Variants in ELMO1 observed in about 807,000 individuals in gnomAD.
ELMO1 encodes the protein engulfment and cell motility 1.
ELMO1 carries 26 observed loss-of-function variants against 98.9 expected under a neutral mutation model. That is an observed-to-expected ratio of 0.26 (90% CI 0.19 to 0.36). The LOEUF is 0.36. Ranked by LOEUF, ELMO1 falls within the 10% of genes least tolerant of loss-of-function variation. The pLI, the probability that ELMO1 is intolerant of heterozygous loss-of-function variation, is 1.00. For missense variants in ELMO1, 627 were observed against 935.2 expected (o/e 0.67, Z 4.30); for synonymous variants, 346 against 346.0 (o/e 1.00, Z 0.00).
chr7:37,311,454 T>C (rs2131079378), intron 4 of ELMO1, among the ~76,000 whole-genome samples: 1 of 152,296 alleles, frequency 6.6e-6, no homozygotes, highest in Admixed American at 6.5e-5. Context: ...AATGAGTCAC[T>C]GGTTACCATG....
At chr7:37,301,304 G>A (rs907898294) in intron 4 of ELMO1, among the ~76,000 whole-genome samples, 3 of 127,052 alleles carry the variant, frequency 2.4e-5, no homozygotes, top group African/African-American at 9.0e-5. Context: ...TTAGGGAGCA[G>A]AGAAAAAATG....
chr7:36,965,087 G>T (rs1789297590), intron 16 of ELMO1, among the ~76,000 whole-genome samples: 1 of 152,044 alleles, frequency 6.6e-6, no homozygotes, highest in African/African-American at 2.4e-5. Flanking sequence ...TTTTTCCCAA[G>T]CACTTGATGT....
chr7:37,062,422 C>G (rs560372028), intron 15 of ELMO1, among the ~76,000 whole-genome samples: 1 of 152,164 alleles, frequency 6.6e-6, no homozygotes, highest in Non-Finnish European at 1.5e-5. Context: ...GAAAGCCTGT[C>G]AAAACCAGCA....
intron 16 of ELMO1, among the ~76,000 whole-genome samples, chr7:36,936,894 G>A (rs922324385): frequency 1.3e-5 from 2 of 152,188 alleles, no homozygotes; most frequent in African/African-American, 4.8e-5. Flanking sequence ...TAAGTATAGA[G>A]TAAGCACTGA....
Position 37,150,873 on chromosome 7 carries a change from G to T in ELMO1, c.1087-17639C>A, listed in dbSNP as rs180889022. On this transcript the variant is annotated intron_variant, in intron 13 of 21. Transcript: ENST00000310758. ...ATATTTGACTAGGGGTATGCCCACT[G>T]TTCTCTAACAAGGAAATAAATTCAT... Among the ~76,000 whole-genome samples, 3 of 152,296 alleles carry T rather than the reference G, an allele frequency of 2.0e-5. No individual in the cohort carries two copies. The East Asian group carries it at 5.8e-4, about 29-fold the overall frequency.
intron 15 of ELMO1, among the ~76,000 whole-genome samples, chr7:37,078,017 T>TA (rs1172214338): frequency 1.3e-5 from 2 of 152,036 alleles, no homozygotes; most frequent in African/African-American, 4.8e-5. Context: ...ATATAAAGAG[T>TA]ACAGAGAAGC....
chr7:37,430,209 C>G (rs1804874135), intron 1 of ELMO1, among the ~76,000 whole-genome samples: 1 of 152,190 alleles, frequency 6.6e-6, no homozygotes. Flanking sequence ...TTCCATGAAG[C>G]ACATTTTTGG....
chr7:37,204,427 G>A (rs1026456408), intron 13 of ELMO1: 2 of 347,274 alleles, frequency 5.8e-6, no homozygotes, highest in African/African-American at 2.2e-5. Flanking sequence ...TCCTCCTGGT[G>A]GGTTCCTGGT....
chr7:37,309,931 T>C (rs931847941), intron 4 of ELMO1, among the ~76,000 whole-genome samples: 9 of 152,342 alleles, frequency 5.9e-5, no homozygotes, highest in African/African-American at 2.2e-4. Flanking sequence ...CAAAGCATGA[T>C]AGTTGAACTG....
intron 4 of ELMO1, among the ~76,000 whole-genome samples, chr7:37,279,932 C>T (rs1006384666): frequency 2.0e-5 from 3 of 152,224 alleles, no homozygotes; most frequent in Non-Finnish European, 4.4e-5. Flanking sequence ...GGAGGCATCA[C>T]ACTACCTGAT....
chr7:36,998,948 T>C (rs1333602573), intron 16 of ELMO1, among the ~76,000 whole-genome samples: 1 of 151,998 alleles, frequency 6.6e-6, no homozygotes, highest in East Asian at 1.9e-4. Flanking sequence ...TTATTAAGAA[T>C]GTGGGAGATT....
At chr7:37,314,735 G>A (rs1799065230) in intron 4 of ELMO1, 115 bp downstream of exon 4, 6 of 844,208 alleles carry the variant, frequency 7.1e-6, no homozygotes. Context: ...CTATTTTCGT[G>A]GATAGTAGAG....
At chr7:37,064,961 C>T (rs1796876077) in intron 15 of ELMO1, among the ~76,000 whole-genome samples, 1 of 152,116 alleles carries the variant, frequency 6.6e-6, no homozygotes, top group Admixed American at 6.6e-5. Flanking sequence ...TTCTGAGCTG[C>T]CCACTGTTTA....
At chr7:37,059,826 A>C (rs1372709987) in intron 15 of ELMO1, among the ~76,000 whole-genome samples, 1 of 152,178 alleles carries the variant, frequency 6.6e-6, no homozygotes, top group Admixed American at 6.5e-5. Context: ...CCAAATTACC[A>C]CTCAGAGCTG....
chr7:36,979,793 G>A (rs181185966), intron 16 of ELMO1, among the ~76,000 whole-genome samples: 19 of 152,316 alleles, frequency 1.2e-4, no homozygotes, highest in Admixed American at 5.2e-4. Flanking sequence ...GGGACCTGTG[G>A]CCTAGATGAC....
intron 2 of ELMO1, among the ~76,000 whole-genome samples, chr7:37,330,098 A>C (rs1800023167): frequency 6.6e-6 from 1 of 152,226 alleles, no homozygotes; most frequent in Non-Finnish European, 1.5e-5. Context: ...TCACAGATCC[A>C]AGTGGCCAAA....
At chr7:37,054,804 A>G (rs759925133) in intron 15 of ELMO1, among the ~76,000 whole-genome samples, 2 of 152,228 alleles carry the variant, frequency 1.3e-5, no homozygotes, top group South Asian at 4.1e-4. Context: ...AGGCACTACT[A>G]TGTAGCAATC....
chr7:37,123,347 A>G lies in ELMO1; in HGVS notation c.1191+9783T>C, dbSNP rs552887673. Among the ~76,000 whole-genome samples, 421 of 152,354 alleles carry G rather than the reference A, an allele frequency of 2.8e-3. 4 individuals carry two copies. The highest frequency in any genetic ancestry group is 5.1e-3 in the Non-Finnish European group (350 of 68,036). The stretch of plus-strand genomic sequence containing the variant: ...CTTCAAAAAAATCAATGAATCCAGG[A>G]GCTGCTTTTTTGAAAAGATCAACAA... On this transcript the variant is annotated intron_variant, in intron 14 of 21. Transcript: ENST00000310758.
intron 13 of ELMO1, among the ~76,000 whole-genome samples, chr7:37,172,890 T>C (rs1003673933): frequency 6.6e-6 from 1 of 152,206 alleles, no homozygotes; most frequent in Non-Finnish European, 1.5e-5. Flanking sequence ...AAATTTCCCT[T>C]AACTAGCAGA....
Sources: allele counts gnomAD v4.1 joint callset (sites outside exome capture counted in the v4.1 genomes callset), GRCh38; gene constraint gnomAD v4.1.1; transcripts MANE v1.5; gene names NCBI Gene and HGNC (gene_info 2026-07-23, HGNC 2026-07-21).